The following TSNARE1 variants were observed in gnomAD, a reference collection of about 807,000 sequenced individuals.
The protein encoded by TSNARE1 is t-SNARE domain containing 1.
In TSNARE1, 49 loss-of-function variants were observed where a neutral mutation model predicts 62.0. The ratio of observed to expected loss-of-function variants is 0.79; its 90% CI spans 0.63 to 1.00. TSNARE1 has a LOEUF of 1.00. Ranked by LOEUF, TSNARE1 falls within the 50% of genes least tolerant of loss-of-function variation. The pLI, the probability that TSNARE1 is intolerant of heterozygous loss-of-function variation, is 0.00. For synonymous variants in TSNARE1, 328 were observed against 294.4 expected (o/e 1.11, Z -1.17); for missense variants, 755 against 700.1 (o/e 1.08, Z -0.88).
chr8:142,291,948 C>T lies in TSNARE1; in HGVS notation c.1291-7463G>A, dbSNP rs890368652. On this transcript the variant is annotated intron_variant, in intron 10 of 13. Transcript: ENST00000524325. This position sits in a 1 kb window ranked among gnomAD's most constrained non-coding sequence, Gnocchi z 4.8. Reference sequence around the variant, plus strand: ...GTCAGCTGCCTCTCCCGTGGACGGTCACAGCAACGCACGCCCCCCCCGGCC... The same window carrying T: ...GTCAGCTGCCTCTCCCGTGGACGGTTACAGCAACGCACGCCCCCCCCGGCC... Among the ~76,000 whole-genome samples the T allele has an allele frequency of 6.6e-6, 1 of 151,892 alleles. No homozygotes were observed. Among genetic ancestry groups the T allele is most frequent in the South Asian group, 2.1e-4 (1 of 4,812 alleles).
At chr8:142,252,128 G>T (rs35538023) in intron 12 of TSNARE1, among the ~76,000 whole-genome samples, 36,250 of 150,714 alleles carry the variant, frequency 0.24, 5,515 homozygotes, top group African/African-American at 0.44. Flanking sequence ...TGTACCCGCC[G>T]CCCGCGTTCT....
At chr8:142,379,424 C>T (rs951994253) in intron 1 of TSNARE1, among the ~76,000 whole-genome samples, 2 of 152,212 alleles carry the variant, frequency 1.3e-5, no homozygotes, top group South Asian at 4.1e-4. Context: ...CGAGGGGCTA[C>T]GCTTGCCCAG....
intron 10 of TSNARE1, among the ~76,000 whole-genome samples, chr8:142,299,938 A>G (rs1330598201): frequency 1.3e-5 from 2 of 152,266 alleles, no homozygotes; most frequent in African/African-American, 2.4e-5. Context: ...TGTGTAAAAA[A>G]TAAGTATTAT....
chr8:142,227,484 C>G (rs1816893728), intron 13 of TSNARE1, among the ~76,000 whole-genome samples: 1 of 151,966 alleles, frequency 6.6e-6, no homozygotes, highest in African/African-American at 2.4e-5. Context: ...CAGCCAGGCC[C>G]CCATTCCTGC....
rs76877508 is a variant in TSNARE1 at position 142,227,110 on chromosome 8, A to C, written c.*11+2363T>G. ...CCAGGAACCCCACTGCACCCACACA[A>C]TAGTGACAGCCAGAACCCCCACTGC... On this transcript the variant is annotated intron_variant, in intron 13 of 13. Transcript: ENST00000524325. 1.6e-3 allele frequency among the ~76,000 whole-genome samples: 155 copies of C among 98,628 alleles called. 1 individual carries two copies. Among genetic ancestry groups the C allele is most frequent in the African/African-American group, 5.7e-3 (145 of 25,584 alleles). The allele number at this position is 98,628 out of a possible 152,430, so 64.7% of individuals were successfully genotyped here.
At position 142,319,797 on chromosome 8, in the gene TSNARE1, C is replaced by A. The variant is rs965195402; in HGVS notation, c.894-1163G>T. On this transcript the variant is annotated intron_variant, in intron 6 of 13. Coordinates refer to ENST00000524325, the MANE Select transcript of TSNARE1 (RefSeq NM_145003.5). The surrounding 1 kb of genome is among the most constrained non-coding windows in gnomAD (Gnocchi z 4.9). ...ACACAGAGGAGTAAGACTGCCCCCC[C>A]AGAACAGGCACCCAGCAGGCTAGAG... Among the ~76,000 whole-genome samples the A allele has an allele frequency of 3.3e-4, 50 of 152,280 alleles. No individual in the cohort carries two copies. Among genetic ancestry groups the A allele is most frequent in the African/African-American group, 1.2e-3 (48 of 41,570 alleles).
chr8:142,316,808 C>T (rs1021324985), intron 7 of TSNARE1, among the ~76,000 whole-genome samples: 1 of 151,872 alleles, frequency 6.6e-6, no homozygotes, highest in Non-Finnish European at 1.5e-5. Context: ...TTGTGGCCTG[C>T]CTAACTCTCC....
At chr8:142,275,854 G>T (rs1022689691) in intron 11 of TSNARE1, 1 of 576,424 alleles carries the variant, frequency 1.7e-6, no homozygotes, top group Non-Finnish European at 2.1e-6. Flanking sequence ...GCACAGCCTG[G>T]CACGACTGGC....
chr8:142,343,267 A>G (rs879734560), intron 4 of TSNARE1, among the ~76,000 whole-genome samples: 3 of 152,162 alleles, frequency 2.0e-5, no homozygotes, highest in Non-Finnish European at 4.4e-5. Flanking sequence ...GGTGTTAAAA[A>G]CAGTAACAGA....
At chr8:142,388,747 G>A (rs1257727407) in intron 1 of TSNARE1, among the ~76,000 whole-genome samples, 3 of 151,796 alleles carry the variant, frequency 2.0e-5, no homozygotes, top group Non-Finnish European at 2.9e-5. Context: ...TAGTAGAGAC[G>A]GGGTTTTGCC....
intron 1 of TSNARE1, among the ~76,000 whole-genome samples, chr8:142,401,879 G>A (rs1243936791): frequency 1.3e-5 from 2 of 152,158 alleles, no homozygotes; most frequent in African/African-American, 4.8e-5. Flanking sequence ...GAAAGCAGCG[G>A]TTCAGTCGGG....
chr8:142,264,619 C>T (rs1819044363), intron 12 of TSNARE1, among the ~76,000 whole-genome samples: 1 of 152,134 alleles, frequency 6.6e-6, no homozygotes, highest in South Asian at 2.1e-4. Flanking sequence ...ATTTTTCATC[C>T]TCCCGATGAG....
chr8:142,402,138 C>T (rs1355550080), intron 1 of TSNARE1, among the ~76,000 whole-genome samples: 1 of 152,072 alleles, frequency 6.6e-6, no homozygotes, highest in Non-Finnish European at 1.5e-5. Context: ...AAAGAAGAGG[C>T]AAGTGTGCAG....
intron 1 of TSNARE1, among the ~76,000 whole-genome samples, chr8:142,402,091 C>T (rs1185496053): frequency 6.6e-6 from 1 of 152,064 alleles, no homozygotes; most frequent in Non-Finnish European, 1.5e-5. Flanking sequence ...ATACCGGAAG[C>T]GGAGCTGCCC....
intron 12 of TSNARE1, among the ~76,000 whole-genome samples, chr8:142,247,412 C>A (rs1817931937): frequency 6.6e-6 from 1 of 152,198 alleles, no homozygotes; most frequent in African/African-American, 2.4e-5. Context: ...ACCAGTGACC[C>A]CTTTCTTCTT....
intron 1 of TSNARE1, among the ~76,000 whole-genome samples, chr8:142,373,889 C>G (rs538987569): frequency 6.6e-6 from 1 of 152,032 alleles, no homozygotes; most frequent in Admixed American, 6.5e-5. Flanking sequence ...GCACAGCCAG[C>G]GGCACACCCA....
At chr8:142,316,843 A>G (rs1168667540) in intron 7 of TSNARE1, among the ~76,000 whole-genome samples, 1 of 151,926 alleles carries the variant, frequency 6.6e-6, no homozygotes, top group African/African-American at 2.4e-5. Context: ...ACCACACCCA[A>G]CACGGCACTG....
At chr8:142,328,851 G>A (rs1463962786) in intron 6 of TSNARE1, among the ~76,000 whole-genome samples, 3 of 148,446 alleles carry the variant, frequency 2.0e-5, no homozygotes, top group African/African-American at 5.0e-5. Context: ...ACAGGTGACA[G>A]AAATGACCTG....
At chr8:142,273,985 C>T (rs1820012842) in intron 12 of TSNARE1, 1 of 985,142 alleles carries the variant, frequency 1.0e-6, no homozygotes, top group Non-Finnish European at 1.2e-6. Context: ...CCAATACTGC[C>T]CCTGCTCCGC....
Sources: gnomAD v4.1 joint callset for allele counts (sites outside exome capture counted in the v4.1 genomes callset) on GRCh38, gnomAD v4.1.1 for gene constraint, Gnocchi (gnomAD v3.1) non-coding constraint, MANE v1.5 for transcripts, NCBI Gene and HGNC (gene_info 2026-07-23, HGNC 2026-07-21) for gene names.